The following ATF7IP variants were observed in gnomAD, a reference collection of about 807,000 sequenced individuals.
ATF7IP encodes the protein activating transcription factor 7-interacting protein 1.
Under a neutral mutation model 106.4 loss-of-function variants are expected in ATF7IP, and 23 were observed. The ratio of observed to expected loss-of-function variants is 0.22; its 90% CI spans 0.16 to 0.31. The LOEUF is 0.31. ATF7IP is among the 10% of genes least tolerant of loss of function. The pLI, the probability that ATF7IP is intolerant of heterozygous loss-of-function variation, is 1.00. For synonymous variants in ATF7IP, 542 were observed against 539.0 expected (o/e 1.01, Z -0.08); for missense variants, 1,334 against 1,524.3 (o/e 0.88, Z 2.08).
intron 13 of ATF7IP, among the ~76,000 whole-genome samples, chr12:14,494,737 A>T (rs994183894): frequency 6.6e-6 from 1 of 151,508 alleles, no homozygotes; most frequent in South Asian, 2.1e-4. Flanking sequence ...GTTCGAGATG[A>T]GCCTGGCCAA....
intron 10 of ATF7IP, 86 bp from the exon 11 acceptor site, chr12:14,475,804 T>C: frequency 1.9e-6 from 2 of 1,027,108 alleles, no homozygotes; most frequent in Non-Finnish European, 2.9e-6. Flanking sequence ...CTCATTAGTC[T>C]CATTTTACCT....
intron 6 of ATF7IP, among the ~76,000 whole-genome samples, chr12:14,456,136 T>C (rs1175464672): frequency 6.6e-6 from 1 of 152,170 alleles, no homozygotes; most frequent in African/African-American, 2.4e-5. Flanking sequence ...ATACCACTTA[T>C]TTGTTGAATT....
At chr12:14,409,782 A>G (rs1014572722) in intron 1 of ATF7IP, among the ~76,000 whole-genome samples, 5 of 152,110 alleles carry the variant, frequency 3.3e-5, no homozygotes, top group Non-Finnish European at 5.9e-5. Context: ...TGAACGCTCT[A>G]AAGTATAAAC....
intron 10 of ATF7IP, among the ~76,000 whole-genome samples, chr12:14,474,356 G>T (rs1944173882): frequency 7.2e-6 from 1 of 138,326 alleles, no homozygotes; most frequent in South Asian, 2.4e-4. Context: ...TTTCTCTTTT[G>T]AAATTTCCTG....
chr12:14,456,521 T>G, intron 6 of ATF7IP, 40 bp from the exon 7 acceptor site: 2 of 1,439,150 alleles, frequency 1.4e-6, no homozygotes, highest in Non-Finnish European at 1.9e-6. Flanking sequence ...TCCCTGTGTG[T>G]TGAGTTTTAT....
rs1945121606 is a variant in ATF7IP at position 14,499,996 on chromosome 12, G to C, written c.*1923G>C. ...GTGTCAGGTAGGTGTTTTGGGTGTA[G>C]ATAATTTAGGACTGGAGGGCTGAGT... On this transcript the variant is annotated 3_prime_UTR_variant, in exon 15 of 15. Coordinates refer to ENST00000261168, the MANE Select transcript of ATF7IP (RefSeq NM_018179.5). 6.6e-6 allele frequency: 1 copy of C among 152,288 alleles called. No individual in the cohort carries two copies. The allele number at this position is 152,288 out of a possible 1,614,324, so 9.4% of individuals were successfully genotyped here.
At chr12:14,479,185 CTG>C (rs536728615) in intron 12 of ATF7IP, among the ~76,000 whole-genome samples, 358 of 152,284 alleles carry the variant, frequency 2.4e-3, no homozygotes, top group Non-Finnish European at 4.3e-3. Context: ...GCAGAAATGA[CTG>C]TAGTTTCTCT....
chr12:14,428,307 G>T (rs1352106290), intron 2 of ATF7IP, among the ~76,000 whole-genome samples: 2 of 152,184 alleles, frequency 1.3e-5, no homozygotes, highest in Non-Finnish European at 2.9e-5. Context: ...AAAATTCAAA[G>T]TTGGGAATAT....
In ATF7IP at chr12:14,489,617, C is replaced by T. The variant is rs543944424; in HGVS notation, c.3281-6614C>T. 3.3e-5 allele frequency among the ~76,000 whole-genome samples: 5 copies of T among 152,234 alleles called. No individual in the cohort carries two copies. The East Asian group carries it at 9.7e-4, about 29-fold the overall frequency. ...GGACGCTGATTCAGAGCATACATGG[C>T]CTTCTGGAGAATTTTGCCCCAGACT... On this transcript the variant is annotated intron_variant, in intron 13 of 14. Coordinates refer to ENST00000261168, the MANE Select transcript of ATF7IP (RefSeq NM_018179.5).
At chr12:14,367,551 A>C (rs995792631) in intron 1 of ATF7IP, 1 of 152,114 alleles carries the variant, frequency 6.6e-6, no homozygotes, top group African/African-American at 2.4e-5. Context: ...ATACACATAA[A>C]TATTTCGGTT....
intron 1 of ATF7IP, among the ~76,000 whole-genome samples, chr12:14,409,451 T>C (rs1012594396): frequency 2.6e-5 from 4 of 152,196 alleles, no homozygotes; most frequent in Non-Finnish European, 5.9e-5. Flanking sequence ...TTCTAGTCTT[T>C]CTGGTAAAAG....
chr12:14,464,111 G>A (rs958631278), intron 9 of ATF7IP, among the ~76,000 whole-genome samples: 1 of 152,126 alleles, frequency 6.6e-6, no homozygotes, highest in Non-Finnish European at 1.5e-5. Context: ...TCAGGAGCTC[G>A]CCACCAGCCT....
At chr12:14,434,470 C>T in intron 3 of ATF7IP, 47 bp downstream of exon 3, 1 of 1,106,928 alleles carries the variant, frequency 9.0e-7, no homozygotes, top group South Asian at 1.3e-5. Context: ...AATAATAATT[C>T]ACTGTTTCTA....
At position 14,382,328 on chromosome 12, in the gene ATF7IP, T is replaced by C. The variant is rs144053676; in HGVS notation, c.-8+16501T>C. Among the ~76,000 whole-genome samples the C allele has an allele frequency of 2.4e-3, 362 of 152,358 alleles. 2 individuals are homozygous for C. Among genetic ancestry groups the C allele is most frequent in the African/African-American group, 8.5e-3 (354 of 41,586 alleles). On this transcript the variant is annotated intron_variant, in intron 1 of 14. Transcript: ENST00000261168. ...TGTTTATGCTTCTGTAAATAAACGA[T>C]TGGTCTCATTACAAATGACCCAATA...
chr12:14,432,624 A>G (rs987651544), intron 2 of ATF7IP, among the ~76,000 whole-genome samples: 1 of 152,202 alleles, frequency 6.6e-6, no homozygotes, highest in African/African-American at 2.4e-5. Flanking sequence ...GTATTCATCA[A>G]TGATCCTTGT....
chr12:14,423,211 A>G (rs1941628081), intron 1 of ATF7IP, among the ~76,000 whole-genome samples: 1 of 152,118 alleles, frequency 6.6e-6, no homozygotes, highest in African/African-American at 2.4e-5. Flanking sequence ...TCCTTTGACC[A>G]TTTTTAAATT....
intron 4 of ATF7IP, among the ~76,000 whole-genome samples, chr12:14,436,457 T>C (rs1329719944): frequency 6.6e-6 from 1 of 152,216 alleles, no homozygotes; most frequent in Non-Finnish European, 1.5e-5. Context: ...TTTGGGAGGC[T>C]GAGGTGGATG....
intron 11 of ATF7IP, among the ~76,000 whole-genome samples, chr12:14,476,772 T>C (rs1944278069): frequency 6.6e-6 from 1 of 152,182 alleles, no homozygotes; most frequent in South Asian, 2.1e-4. Flanking sequence ...TATCTAGCAT[T>C]ATATAAATAA....
rs759330230 is a variant in ATF7IP, at chr12:14,447,049, A to C, written c.1991A>C (p.His664Pro). The change falls in exon 6 of 15, where the codon CAT becomes CCT. Residue 664 changes from histidine (H) to proline (P), a missense_variant. This residue lies in a region of ATF7IP where 171 missense variants were observed against 172.6 expected (regional missense o/e 0.99). Transcript: ENST00000261168. ...GCCAAAGAAGATCTTAAGAAAAGACATGAAGTAAAATTTTTCTATTCTTGC... is the reference window on the plus strand; with the variant it reads ...GCCAAAGAAGATCTTAAGAAAAGACCTGAAGTAAAATTTTTCTATTCTTGC... Reference protein sequence around the residue: ...EAAKEDLKKRHEHPPNPPVSP... With the variant: ...EAAKEDLKKRPEHPPNPPVSP... 6.3e-7 allele frequency: 1 copy of C among 1,594,776 alleles called. No homozygotes were observed. Among genetic ancestry groups the C allele is most frequent in the Admixed American group, 1.8e-5 (1 of 56,730 alleles).
Sources: gnomAD v4.1 joint callset for allele counts (sites outside exome capture counted in the v4.1 genomes callset) on GRCh38, gnomAD v4.1.1 for gene constraint, gnomAD v4.1.1 regional missense constraint, MANE v1.5 for transcripts, NCBI Gene and HGNC (gene_info 2026-07-23, HGNC 2026-07-21) for gene names.